PPP3CA: variants seen among roughly 807,000 people sequenced by gnomAD.
PPP3CA encodes protein phosphatase 3 catalytic subunit alpha.
Under a neutral mutation model 66.5 loss-of-function variants are expected in PPP3CA, and 14 were observed. The observed-to-expected ratio is 0.21, with a 90% CI of 0.14 to 0.33. PPP3CA has a LOEUF of 0.33. PPP3CA is among the 10% of genes least tolerant of loss of function. The pLI, the probability that PPP3CA is intolerant of heterozygous loss-of-function variation, is 1.00. For synonymous variants in PPP3CA, 232 were observed against 226.2 expected (o/e 1.03, Z -0.23); for missense variants, 317 against 639.5 (o/e 0.50, Z 5.44).
At chr4:101,265,436 T>C (rs1237328430) in intron 1 of PPP3CA, among the ~76,000 whole-genome samples, 1 of 152,092 alleles carries the variant, frequency 6.6e-6, no homozygotes, top group Non-Finnish European at 1.5e-5. Context: ...AGATATTTAA[T>C]CATGAGTTTT....
intron 2 of PPP3CA, among the ~76,000 whole-genome samples, chr4:101,188,115 A>T (rs1163712567): frequency 6.6e-6 from 1 of 152,140 alleles, no homozygotes; most frequent in Non-Finnish European, 1.5e-5. Flanking sequence ...ATTTCTGGGA[A>T]TCAGGTTCAT....
intron 2 of PPP3CA, among the ~76,000 whole-genome samples, chr4:101,117,599 A>G (rs1246993169): frequency 6.6e-6 from 1 of 151,906 alleles, no homozygotes; most frequent in Non-Finnish European, 1.5e-5. Context: ...GGTTTATAAT[A>G]GCATCATAGC....
At chr4:101,201,121 TTAC>T (rs1724954033) in intron 1 of PPP3CA, among the ~76,000 whole-genome samples, 1 of 152,204 alleles carries the variant, frequency 6.6e-6, no homozygotes, top group South Asian at 2.1e-4. Flanking sequence ...ATAAAATTTG[TTAC>T]TAAAATTAAT....
intron 10 of PPP3CA, among the ~76,000 whole-genome samples, chr4:101,046,308 C>A (rs1040419754): frequency 6.6e-6 from 1 of 152,024 alleles, no homozygotes; most frequent in Admixed American, 6.6e-5. Context: ...AATATTTTTA[C>A]GTTAGAATGT....
chr4:101,076,248 A>C (rs1729186187), intron 8 of PPP3CA, among the ~76,000 whole-genome samples: 1 of 152,004 alleles, frequency 6.6e-6, no homozygotes, highest in East Asian at 1.9e-4. Flanking sequence ...AAGTGAGATA[A>C]AGATCTGTGG....
At chr4:101,259,428 G>A (rs148577708) in intron 1 of PPP3CA, among the ~76,000 whole-genome samples, 1 of 152,202 alleles carries the variant, frequency 6.6e-6, no homozygotes, top group East Asian at 1.9e-4. Context: ...ATAAATCCCA[G>A]TAAGTTCAGT....
chr4:101,254,941 C>T (rs2850962), intron 1 of PPP3CA, among the ~76,000 whole-genome samples: 12,655 of 148,964 alleles, frequency 0.085, 716 homozygotes, highest in East Asian at 0.17. Context: ...GACAGGACCT[C>T]GTATGTATGT....
rs549279465 is a variant in PPP3CA at position 101,081,765 on chromosome 4, A to G, written c.861-1139T>C. ...TCTTTTTGGAACTTGGTCATACTAT[A>G]AAAGAAAATGCCCCCTTAAAAACCT... is the stretch of plus-strand genomic sequence containing the variant. On this transcript the variant is annotated intron_variant, in intron 7 of 13. Coordinates refer to ENST00000394854, the MANE Select transcript of PPP3CA (RefSeq NM_000944.5). Among the ~76,000 whole-genome samples, 10 of 152,278 alleles carry G rather than the reference A, an allele frequency of 6.6e-5. No homozygotes were observed. In the East Asian group the frequency reaches 1.7e-3, roughly 26 times the overall value.
At chr4:101,219,050 G>A (rs1445992717) in intron 1 of PPP3CA, among the ~76,000 whole-genome samples, 2 of 152,036 alleles carry the variant, frequency 1.3e-5, no homozygotes, top group Admixed American at 1.3e-4. Flanking sequence ...AAGACACTGA[G>A]CTAGGTGTTA....
At chr4:101,239,876 C>A (rs539400303) in intron 1 of PPP3CA, among the ~76,000 whole-genome samples, 1 of 152,054 alleles carries the variant, frequency 6.6e-6, no homozygotes, top group East Asian at 1.9e-4. Flanking sequence ...TTAGATACAA[C>A]AACAGTTAAA....
intron 1 of PPP3CA, among the ~76,000 whole-genome samples, chr4:101,263,552 T>C (rs569894611): frequency 2.1e-4 from 32 of 152,216 alleles, no homozygotes; most frequent in African/African-American, 7.5e-4. Flanking sequence ...AATTCTAAAT[T>C]GTTTTCCACT....
intron 6 of PPP3CA, among the ~76,000 whole-genome samples, chr4:101,087,448 C>T (rs1392029051): frequency 2.0e-5 from 3 of 152,166 alleles, no homozygotes; most frequent in African/African-American, 7.2e-5. Flanking sequence ...TATCAAACCC[C>T]AGAAACTCCT....
At chr4:101,113,568 T>C (rs1721746348) in intron 2 of PPP3CA, among the ~76,000 whole-genome samples, 1 of 152,122 alleles carries the variant, frequency 6.6e-6, no homozygotes, top group South Asian at 2.1e-4. Flanking sequence ...TGTCTTTGGG[T>C]ATTTCATTGT....
At chr4:101,265,216 A>T (rs1560688211) in intron 1 of PPP3CA, among the ~76,000 whole-genome samples, 1 of 152,258 alleles carries the variant, frequency 6.6e-6, no homozygotes, top group East Asian at 1.9e-4. Context: ...TCCTGGGCTT[A>T]AGCGATCCTC....
chr4:101,203,132 C>T (rs1238844995), intron 1 of PPP3CA, among the ~76,000 whole-genome samples: 1 of 151,980 alleles, frequency 6.6e-6, no homozygotes, highest in Non-Finnish European at 1.5e-5. Context: ...TATATTATAC[C>T]CAGGACTTTT....
At chr4:101,141,964 C>CTTA (rs760978603) in intron 2 of PPP3CA, among the ~76,000 whole-genome samples, 9 of 151,380 alleles carry the variant, frequency 5.9e-5, no homozygotes, top group Admixed American at 2.0e-4. Flanking sequence ...TACAATAAAA[C>CTTA]TTAACATTAG....
rs11936852 is a variant in PPP3CA, at chr4:101,138,274, C to A, written c.260-29196G>T. Reference sequence around the variant, plus strand: ...TGATATTTACATAACTGATTTGAATCTTGGCTTTTCTTTCCTTAAGTGCAT... The same window carrying A: ...TGATATTTACATAACTGATTTGAATATTGGCTTTTCTTTCCTTAAGTGCAT... On this transcript the variant is annotated intron_variant, in intron 2 of 13. Transcript: ENST00000394854. Among the ~76,000 whole-genome samples, 740 of 152,240 alleles carry A rather than the reference C, an allele frequency of 4.9e-3. 4 individuals are homozygous for A. The highest frequency in any genetic ancestry group is 0.017 in the African/African-American group (697 of 41,544).
intron 2 of PPP3CA, among the ~76,000 whole-genome samples, chr4:101,195,073 G>C (rs1254534445): frequency 2.6e-5 from 4 of 151,998 alleles, no homozygotes; most frequent in Non-Finnish European, 5.9e-5. Context: ...AGGAGTTCAA[G>C]AGCAGCCTGG....
At chr4:101,060,919 T>C (rs945207015) in intron 10 of PPP3CA, among the ~76,000 whole-genome samples, 168 bp downstream of exon 10, 5 of 152,188 alleles carry the variant, frequency 3.3e-5, no homozygotes, top group African/African-American at 9.6e-5. Flanking sequence ...GATATTTGTT[T>C]CTTATACTTT....
Sources: gnomAD v4.1 joint callset for allele counts (sites outside exome capture counted in the v4.1 genomes callset) on GRCh38, gnomAD v4.1.1 for gene constraint, MANE v1.5 for transcripts, NCBI Gene and HGNC (gene_info 2026-07-23, HGNC 2026-07-21) for gene names.